The following ZNF45 variants were observed in gnomAD, a reference collection of about 807,000 sequenced individuals.
The protein encoded by ZNF45 is BRC1744.
A neutral mutation model predicts 12.0 loss-of-function variants in ZNF45; 4 were observed. The observed-to-expected ratio is 0.33, with a 90% CI of 0.16 to 0.76. ZNF45 has a LOEUF of 0.76. Ranked by LOEUF, ZNF45 falls within the 30% of genes least tolerant of loss-of-function variation. The pLI, the probability that ZNF45 is intolerant of heterozygous loss-of-function variation, is 0.60. For missense variants in ZNF45, 700 were observed against 813.0 expected, an observed-to-expected ratio of 0.86 and a Z score of 1.69; for synonymous variants, 272 against 279.6, an observed-to-expected ratio of 0.97 and a Z score of 0.27.
intron 6 of ZNF45, among the ~76,000 whole-genome samples, chr19:43,922,816 C>CTTT (rs1555747265): frequency 1.1e-5 from 1 of 92,290 alleles, no homozygotes; most frequent in Non-Finnish European, 2.2e-5. Flanking sequence ...CCAATAAATT[C>CTTT]TTTGTTTTTT....
chr19:43,914,277 G>C lies in ZNF45; in HGVS notation c.1159C>G (p.Pro387Ala). 6.2e-7 allele frequency: 1 copy of C among 1,613,166 alleles called. No homozygotes were observed. The highest frequency in any genetic ancestry group is 1.1e-5 in the South Asian group (1 of 91,016). Reference protein sequence around the residue: ...AHQISHTGEKPYKCEECGKGF... With the variant: ...AHQISHTGEKAYKCEECGKGF... Reference sequence around the variant, plus strand: ...TTCCCACACTCCTCACATTTGTATGGCTTCTCTCCAGTGTGGCTTATCTGA... The same window carrying C: ...TTCCCACACTCCTCACATTTGTATGCCTTCTCTCCAGTGTGGCTTATCTGA... Residue 387 changes from proline (P) to alanine (A), a missense_variant, in exon 10 of 10, where the codon CCA (proline) becomes GCA (alanine). Pro to Ala is a conservative substitution (Grantham distance 27). Transcript: ENST00000269973.
intron 2 of ZNF45, among the ~76,000 whole-genome samples, chr19:43,934,104 C>A (rs535159267): frequency 6.6e-6 from 1 of 152,196 alleles, no homozygotes; most frequent in East Asian, 1.9e-4. Context: ...TGTAAGGAAC[C>A]CAAGTCTAGG....
At chr19:43,920,367 GTGT>G (rs1347697636) in intron 7 of ZNF45, among the ~76,000 whole-genome samples, 1 of 151,808 alleles carries the variant, frequency 6.6e-6, no homozygotes, top group Non-Finnish European at 1.5e-5. Context: ...GTGTTCAGGA[GTGT>G]TTCTTAAACT....
chr19:43,915,256 G>C, intron 9 of ZNF45, 56 bp from the exon 10 acceptor site: 1 of 1,434,616 alleles, frequency 7.0e-7, no homozygotes, highest in Non-Finnish European at 9.1e-7. Flanking sequence ...TTTGTTCCAA[G>C]ATGTCAAGTT....
intron 3 of ZNF45, chr19:43,930,056 TG>T (rs1973994742): frequency 6.6e-6 from 1 of 152,196 alleles, no homozygotes; most frequent in Admixed American, 6.6e-5. Flanking sequence ...TTCTGAAGGA[TG>T]GGAAGTCTAA....
At chr19:43,933,473 A>G (rs745444852) in intron 2 of ZNF45, among the ~76,000 whole-genome samples, 4 of 152,146 alleles carry the variant, frequency 2.6e-5, no homozygotes, top group Non-Finnish European at 5.9e-5. Context: ...AAAAAACAAA[A>G]AACACAATTA....
At position 43,913,328 on chromosome 19, in the gene ZNF45, C is replaced by T. The variant is rs1057483773; in HGVS notation, c.*59G>A. On this transcript the variant is annotated 3_prime_UTR_variant, in exon 10 of 10. Coordinates refer to ENST00000269973, the MANE Select transcript of ZNF45 (RefSeq NM_003425.4). ...TGACTCTATAAAACAAATGTTTTGT[C>T]TATGATAGCTCTGATTATTAAAATA... is the stretch of plus-strand genomic sequence containing the variant. The T allele has an allele frequency of 2.0e-6, 3 of 1,509,798 alleles. No homozygotes were observed. The highest frequency in any genetic ancestry group is 2.7e-6 in the Non-Finnish European group (3 of 1,130,276). The allele number at this position is 1,509,798 out of a possible 1,614,324, so 93.5% of individuals were successfully genotyped here.
chr19:43,919,472 G>A lies in ZNF45; in HGVS notation c.142+101C>T. The A allele has an allele frequency of 2.1e-6, 3 of 1,399,862 alleles. No individual in the cohort carries two copies. The Admixed American group carries it at 7.3e-5, about 34-fold the overall frequency. The allele number at this position is 1,399,862 out of a possible 1,614,324, so 86.7% of individuals were successfully genotyped here. ...ATATCTGTCTTATGATGGATGATTA[G>A]AAAACTGAAAACCAGTTCAAGAGCT... On this transcript the variant is annotated intron_variant, in intron 8 of 9. Transcript: ENST00000269973.
At position 43,916,385 on chromosome 19, in the gene ZNF45, G is replaced by A. The variant is rs149891721; in HGVS notation, c.236-1185C>T. Reference sequence around the variant, plus strand: ...CCTGCCTCAGTCTCTCAAAGTGTTAGGATTATAGCTGTGAGCCCCCACGCC... The same window carrying A: ...CCTGCCTCAGTCTCTCAAAGTGTTAAGATTATAGCTGTGAGCCCCCACGCC... On this transcript the variant is annotated intron_variant, in intron 9 of 9. Transcript: ENST00000269973. 7.4e-4 allele frequency among the ~76,000 whole-genome samples: 113 copies of A among 152,276 alleles called. 4 individuals are homozygous for A. The East Asian group carries it at 0.019, about 26-fold the overall frequency.
chr19:43,919,550 AG>A, intron 8 of ZNF45, 22 bp downstream of exon 8: 1 of 1,606,534 alleles, frequency 6.2e-7, no homozygotes, highest in Non-Finnish European at 8.5e-7. Context: ...GCCAATGTTC[AG>A]TCAGAGAATG....
At chr19:43,918,767 A>G in intron 9 of ZNF45, 103 bp downstream of exon 9, 1 of 907,778 alleles carries the variant, frequency 1.1e-6, no homozygotes, top group Non-Finnish European at 1.7e-6. Flanking sequence ...AGGGGGAAAA[A>G]AACTGTTCTA....
chr19:43,919,997 G>A (rs1259457845), intron 7 of ZNF45, among the ~76,000 whole-genome samples: 1 of 152,036 alleles, frequency 6.6e-6, no homozygotes, highest in African/African-American at 2.4e-5. Flanking sequence ...AAATTATGAT[G>A]TACGACAGAT....
At chr19:43,930,730 G>A (rs1052704502) in intron 3 of ZNF45, among the ~76,000 whole-genome samples, 1 of 152,132 alleles carries the variant, frequency 6.6e-6, no homozygotes, top group African/African-American at 2.4e-5. Flanking sequence ...GATCAGTGCT[G>A]TCCAACAGAA....
At chr19:43,917,609 C>G (rs982383786) in intron 9 of ZNF45, among the ~76,000 whole-genome samples, 8 of 152,188 alleles carry the variant, frequency 5.3e-5, no homozygotes, top group African/African-American at 1.4e-4. Flanking sequence ...CCTCAGCCCC[C>G]CAAGTAGTTG....
chr19:43,922,159 G>A lies in ZNF45; in HGVS notation c.15+12C>T. ...ATGACAATTATTACGGAGAAAGGGA[G>A]GTCCAACTCACCTTAGACTTCGTCA... On this transcript the variant is annotated intron_variant, in intron 7 of 9. Transcript: ENST00000269973. 2 of 1,609,438 alleles carry A rather than the reference G, an allele frequency of 1.2e-6. No homozygotes were observed. The highest frequency in any genetic ancestry group is 1.7e-4 in the Middle Eastern group (1 of 6,036).
Position 43,913,979 on chromosome 19 carries a change from T to C in ZNF45, c.1457A>G (p.Asp486Gly), listed in dbSNP as rs745989366. The C allele has an allele frequency of 6.2e-7, 1 of 1,613,712 alleles. No homozygotes were observed. The highest frequency in any genetic ancestry group is 8.5e-7 in the Non-Finnish European group (1 of 1,179,878). The change falls in exon 10 of 10, where the codon GAT becomes GGT. Residue 486 changes from aspartate (D) to glycine (G), a missense_variant. Physicochemically the swap from Asp to Gly is moderately conservative, Grantham distance 94. Coordinates refer to ENST00000269973, the MANE Select transcript of ZNF45 (RefSeq NM_003425.4). ...TCGKGFSRSS[D>G]LNVHCRIHTG... is the part of the protein sequence containing the mutation. ...GTGGATTCTACAGTGTACATTAAGATCTGAGCTCCGACTGAAGCCCTTCCC... is the reference window on the plus strand; with the variant it reads ...GTGGATTCTACAGTGTACATTAAGACCTGAGCTCCGACTGAAGCCCTTCCC...
intron 9 of ZNF45, among the ~76,000 whole-genome samples, chr19:43,917,438 T>A (rs989788379): frequency 6.6e-6 from 1 of 152,248 alleles, no homozygotes; most frequent in Non-Finnish European, 1.5e-5. Flanking sequence ...AGTTGAAGCC[T>A]ACATAGTTTG....
At chr19:43,928,450 T>C (rs1973869035) in intron 3 of ZNF45, among the ~76,000 whole-genome samples, 1 of 152,096 alleles carries the variant, frequency 6.6e-6, no homozygotes, top group Non-Finnish European at 1.5e-5. Context: ...CAAAATAATC[T>C]GTACAACAAA....
rs1464395851 is a variant in ZNF45, at chr19:43,915,149, T to C, written c.287A>G (p.Tyr96Cys). ...GCAGAAAAGCTCTTCATGAGGCAGGTACCTTAATCCTACTTCTTGAAGAGT... is the reference window on the plus strand; with the variant it reads ...GCAGAAAAGCTCTTCATGAGGCAGGCACCTTAATCCTACTTCTTGAAGAGT... ...METLQEVGLR[Y>C]LPHEELFCSQ... Residue 96 changes from tyrosine (Y) to cysteine (C), a missense_variant, in exon 10 of 10, where the codon TAC becomes TGC. By Grantham distance (194) the Tyr-to-Cys change is radical (BLOSUM62 -2). Coordinates refer to ENST00000269973, the MANE Select transcript of ZNF45 (RefSeq NM_003425.4). 2 of 1,563,028 alleles carry C rather than the reference T, an allele frequency of 1.3e-6. No homozygotes were observed. The highest frequency in any genetic ancestry group is 2.3e-5 in the East Asian group (1 of 44,440).
Sources: gnomAD v4.1 joint callset for allele counts (sites outside exome capture counted in the v4.1 genomes callset) on GRCh38, gnomAD v4.1.1 for gene constraint, MANE v1.5 for transcripts, NCBI Gene and HGNC (gene_info 2026-07-23, HGNC 2026-07-21) for gene names.